The following GRID1 variants were observed in gnomAD, a reference collection of about 807,000 sequenced individuals.
GRID1 encodes glutamate ionotropic receptor delta type subunit 1.
Under a neutral mutation model 98.0 loss-of-function variants are expected in GRID1, and 28 were observed. The observed-to-expected ratio is 0.29, with a 90% CI of 0.21 to 0.39. The LOEUF (loss-of-function observed/expected upper bound fraction) is 0.39, where lower values mean the gene tolerates loss of function less well. GRID1 is among the 10% of genes least tolerant of loss of function. The pLI is 1.00. For missense variants in GRID1, 1,111 were observed against 1,340.5 expected (o/e 0.83, Z 2.67); for synonymous variants, 553 against 538.5 (o/e 1.03, Z -0.37).
chr10:86,366,529 G>C lies in GRID1; in HGVS notation c.-137C>G. On this transcript the variant is annotated 5_prime_UTR_variant, in exon 1 of 16. Transcript: ENST00000327946. The surrounding 1 kb of genome is among the most constrained non-coding windows in gnomAD (Gnocchi z 4.1). ...AGCCCGCCCGTGCGTCTTCCCCCGC[G>C]CGCCCGCCCCTGCGCCCTGCGCCCG... 1 of 402,722 alleles carries C rather than the reference G, an allele frequency of 2.5e-6. No individual in the cohort carries two copies. The highest frequency in any genetic ancestry group is 4.0e-6 in the Non-Finnish European group (1 of 252,414). 24.9% of individuals were successfully genotyped at this position (402,722 alleles called of 1,614,324 possible). A position where few individuals can be genotyped will look rare whatever the true frequency, so the allele number is the denominator to read the frequency against.
chr10:86,081,108 C>G (rs966852720), intron 4 of GRID1, among the ~76,000 whole-genome samples: 3 of 152,170 alleles, frequency 2.0e-5, no homozygotes, highest in Non-Finnish European at 4.4e-5. Context: ...GCAGTGGAAA[C>G]AGCAAGTAAA....
intron 6 of GRID1, among the ~76,000 whole-genome samples, chr10:85,868,759 C>G (rs1372030342): frequency 1.3e-5 from 2 of 152,228 alleles, no homozygotes; most frequent in Non-Finnish European, 2.9e-5. Flanking sequence ...TCTTTACCCT[C>G]TATGCATGTG....
At chr10:86,153,726 C>A (rs974624983) in intron 3 of GRID1, among the ~76,000 whole-genome samples, 2 of 152,102 alleles carry the variant, frequency 1.3e-5, no homozygotes, top group African/African-American at 4.8e-5. Context: ...CACAGAGCCC[C>A]GCCACCAAAA....
At chr10:85,743,329 G>A (rs1290026666) in intron 8 of GRID1, among the ~76,000 whole-genome samples, 7 of 152,092 alleles carry the variant, frequency 4.6e-5, no homozygotes. Flanking sequence ...GAGTGTCATT[G>A]AGTGACTTTA....
rs181877743 is a variant in GRID1 at position 85,955,102 on chromosome 10, C to T, written c.727-38863G>A. ...TGCAGCATGGAGTTATGAGAACCAC[C>T]GGATTCCCCCTGGGTGACTCCCAGC... On this transcript the variant is annotated intron_variant, in intron 4 of 15. Transcript: ENST00000327946. 1.2e-4 allele frequency among the ~76,000 whole-genome samples: 18 copies of T among 152,282 alleles called. No individual in the cohort carries two copies. The East Asian group carries it at 1.7e-3, about 15-fold the overall frequency.
At chr10:86,296,245 G>A (rs1212666121) in intron 2 of GRID1, among the ~76,000 whole-genome samples, 1 of 152,092 alleles carries the variant, frequency 6.6e-6, no homozygotes, top group Non-Finnish European at 1.5e-5. Context: ...TGGTATTATA[G>A]AAGAAGCCAC....
intron 4 of GRID1, among the ~76,000 whole-genome samples, chr10:86,125,782 C>A (rs1844743555): frequency 6.6e-6 from 1 of 152,182 alleles, no homozygotes; most frequent in Admixed American, 6.5e-5. Context: ...AGGACGAAGA[C>A]CTCTATGATG....
intron 8 of GRID1, among the ~76,000 whole-genome samples, chr10:85,754,185 G>C (rs1014238308): frequency 1.2e-4 from 19 of 152,184 alleles, no homozygotes; most frequent in African/African-American, 4.6e-4. Context: ...CAGATGGGGG[G>C]AGGGGACTCA....
At chr10:86,162,958 G>A (rs1845343591) in intron 3 of GRID1, among the ~76,000 whole-genome samples, 1 of 152,188 alleles carries the variant, frequency 6.6e-6, no homozygotes, top group Non-Finnish European at 1.5e-5. Context: ...GGAGCCTTCT[G>A]AAAGCCAGTG....
At chr10:85,722,141 C>T (rs774008436) in intron 12 of GRID1, among the ~76,000 whole-genome samples, 21 of 151,968 alleles carry the variant, frequency 1.4e-4, no homozygotes, top group Non-Finnish European at 2.9e-4. Flanking sequence ...TAGTTGAGAC[C>T]CATAGAGGCT....
chr10:85,808,860 G>A (rs989595679), intron 8 of GRID1, among the ~76,000 whole-genome samples: 2 of 152,014 alleles, frequency 1.3e-5, no homozygotes, highest in African/African-American at 4.8e-5. Flanking sequence ...AACAGAAAAT[G>A]ACTGATAATC....
intron 4 of GRID1, among the ~76,000 whole-genome samples, chr10:86,031,048 A>T (rs1843179280): frequency 6.6e-6 from 1 of 152,196 alleles, no homozygotes; most frequent in Non-Finnish European, 1.5e-5. Flanking sequence ...AAACCCGCCT[A>T]TAAAATCTGG....
chr10:86,212,107 G>T (rs1393776865), intron 2 of GRID1, among the ~76,000 whole-genome samples: 1 of 152,190 alleles, frequency 6.6e-6, no homozygotes, highest in Admixed American at 6.5e-5. Flanking sequence ...TCCCCGTGGG[G>T]ATTTCTGGAA....
chr10:85,810,460 A>G (rs1842661216), intron 8 of GRID1, among the ~76,000 whole-genome samples: 2 of 152,264 alleles, frequency 1.3e-5, no homozygotes, highest in African/African-American at 4.8e-5. Flanking sequence ...TGAGCTGCTA[A>G]GCAGCTGTGG....
At chr10:85,670,403 C>A (rs1417955051) in intron 12 of GRID1, among the ~76,000 whole-genome samples, 1 of 152,148 alleles carries the variant, frequency 6.6e-6, no homozygotes, top group Non-Finnish European at 1.5e-5. Context: ...TAAACAAGCC[C>A]ACTGTATTTC....
At chr10:85,763,942 C>G (rs534704702) in intron 8 of GRID1, among the ~76,000 whole-genome samples, 4 of 152,150 alleles carry the variant, frequency 2.6e-5, no homozygotes, top group Middle Eastern at 3.2e-3. Context: ...AGCAAAGTCT[C>G]TGAGAGACTC....
chr10:85,801,580 A>C (rs1842577069), intron 8 of GRID1, among the ~76,000 whole-genome samples: 1 of 151,846 alleles, frequency 6.6e-6, no homozygotes, highest in African/African-American at 2.4e-5. Context: ...CACAGAGACA[A>C]AGAAAACTTT....
chr10:86,076,770 T>C (rs1352264376), intron 4 of GRID1, among the ~76,000 whole-genome samples: 3 of 150,868 alleles, frequency 2.0e-5, no homozygotes, highest in African/African-American at 7.3e-5. Context: ...CTGAGGGCTG[T>C]GAGGGGGATT....
intron 2 of GRID1, among the ~76,000 whole-genome samples, chr10:86,247,531 C>G (rs11595092): frequency 0.13 from 19,847 of 152,126 alleles, 1,571 homozygotes; most frequent in African/African-American, 0.22. Context: ...AAAAAAGAGA[C>G]CAAACCAGCC....
Sources: allele counts gnomAD v4.1 joint callset (sites outside exome capture counted in the v4.1 genomes callset), GRCh38; gene constraint gnomAD v4.1.1; non-coding constraint Gnocchi (gnomAD v3.1); transcripts MANE v1.5; gene names NCBI Gene and HGNC (gene_info 2026-07-23, HGNC 2026-07-21).